Variants in GRID2 observed in about 807,000 individuals in gnomAD.
GRID2 encodes glutamate ionotropic receptor delta type subunit 2, also known as glutamate receptor ionotropic, delta-2.
GRID2 carries 33 observed loss-of-function variants against 114.8 expected under a neutral mutation model. The observed-to-expected ratio is 0.29, with a 90% CI of 0.22 to 0.38. The LOEUF (loss-of-function observed/expected upper bound fraction) is 0.38, where lower values mean the gene tolerates loss of function less well. GRID2 is among the 10% of genes least tolerant of loss of function. The pLI, the probability that GRID2 is intolerant of heterozygous loss-of-function variation, is 1.00. For synonymous variants in GRID2, 505 were observed against 449.9 expected (o/e 1.12, Z -1.55); for missense variants, 1,184 against 1,257.7 (o/e 0.94, Z 0.89).
chr4:93,769,353 T>C lies in GRID2; in HGVS notation c.2504T>C (p.Phe835Ser). 6.2e-7 allele frequency: 1 copy of C among 1,614,010 alleles called. No individual in the cohort carries two copies. Among genetic ancestry groups the C allele is most frequent in the Non-Finnish European group, 8.5e-7 (1 of 1,179,958 alleles). ...ALDIKSFAGV[F>S]CILAAGIVLS... ...GACATAAAGAGCTTTGCAGGGGTCT[T>C]TTGTATCCTGGCTGCTGGAATTGTC... The change falls in exon 15 of 16, where the codon TTT becomes TCT. Residue 835 changes from phenylalanine (F) to serine (S), a missense_variant. Coordinates refer to ENST00000282020, the MANE Select transcript of GRID2 (RefSeq NM_001510.4).
chr4:92,459,317 T>G (rs901629598), intron 1 of GRID2, among the ~76,000 whole-genome samples: 2 of 152,178 alleles, frequency 1.3e-5, no homozygotes, highest in African/African-American at 2.4e-5. Context: ...GTCCACATGA[T>G]ATATCCACTA....
chr4:93,372,291 C>T (rs926069947), intron 8 of GRID2, among the ~76,000 whole-genome samples: 5 of 152,044 alleles, frequency 3.3e-5, no homozygotes, highest in African/African-American at 1.2e-4. Context: ...CTTCAAGGAA[C>T]ATAACAATTT....
chr4:93,434,934 C>A (rs1423292893), intron 10 of GRID2, among the ~76,000 whole-genome samples: 2 of 152,060 alleles, frequency 1.3e-5, no homozygotes, highest in Non-Finnish European at 2.9e-5. Context: ...CTCCTATCTG[C>A]CTAAAATGAT....
chr4:92,572,792 T>A (rs1486754239), intron 1 of GRID2, among the ~76,000 whole-genome samples: 1 of 152,044 alleles, frequency 6.6e-6, no homozygotes, highest in Non-Finnish European at 1.5e-5. Context: ...TCTTTTTTTC[T>A]TGTATCTGTC....
chr4:92,643,206 A>G (rs997862883), intron 2 of GRID2, among the ~76,000 whole-genome samples: 2 of 151,756 alleles, frequency 1.3e-5, no homozygotes, highest in African/African-American at 4.8e-5. Flanking sequence ...GGCCATTTCA[A>G]TGATATTGAT....
chr4:92,951,629 A>C (rs576560917), intron 2 of GRID2, among the ~76,000 whole-genome samples: 256 of 152,164 alleles, frequency 1.7e-3, no homozygotes, highest in Admixed American at 2.8e-3. Context: ...TGCCCATCCA[A>C]ATTTTTACTT....
intron 14 of GRID2, among the ~76,000 whole-genome samples, chr4:93,663,132 G>A (rs1723642293): frequency 6.6e-6 from 1 of 152,144 alleles, no homozygotes; most frequent in Non-Finnish European, 1.5e-5. Context: ...TTTACCATCA[G>A]TGGTTCTCTC....
intron 2 of GRID2, among the ~76,000 whole-genome samples, chr4:92,688,095 G>A (rs1225050504): frequency 7.8e-6 from 1 of 127,866 alleles, no homozygotes; most frequent in African/African-American, 3.0e-5. Context: ...CGTTGCCCAG[G>A]CTGGAGCACA....
At chr4:92,687,611 T>C (rs1733974520) in intron 2 of GRID2, among the ~76,000 whole-genome samples, 1 of 151,954 alleles carries the variant, frequency 6.6e-6, no homozygotes, top group Non-Finnish European at 1.5e-5. Context: ...GGGCGGATCA[T>C]GAGGTGAGGA....
At chr4:93,687,095 G>A (rs1036220785) in intron 14 of GRID2, among the ~76,000 whole-genome samples, 1 of 152,002 alleles carries the variant, frequency 6.6e-6, no homozygotes, top group Non-Finnish European at 1.5e-5. Flanking sequence ...AGTGAGAAGT[G>A]TTCAGAGTCT....
chr4:92,369,582 GCATATCACTACCAA>G (rs2110215634), intron 1 of GRID2, among the ~76,000 whole-genome samples: 1 of 152,162 alleles, frequency 6.6e-6, no homozygotes, highest in Admixed American at 6.6e-5. Context: ...AAAAATCCTT[GCATATCACTACCAA>G]CACACTTCAG....
intron 1 of GRID2, among the ~76,000 whole-genome samples, chr4:92,323,493 T>C (rs1165023401): frequency 6.6e-6 from 1 of 152,098 alleles, no homozygotes; most frequent in Non-Finnish European, 1.5e-5. Context: ...AGTCCAGTTT[T>C]ACCTGAAGAA....
intron 2 of GRID2, among the ~76,000 whole-genome samples, chr4:93,022,821 A>G (rs149765372): frequency 9.9e-4 from 151 of 152,128 alleles, no homozygotes; most frequent in Non-Finnish European, 1.9e-3. Flanking sequence ...AACTTGATAT[A>G]ATAGTAAATG....
In GRID2 at chr4:93,231,734, C is replaced by T. The variant is rs543679880; in HGVS notation, c.1126-6637C>T. 5.9e-5 allele frequency among the ~76,000 whole-genome samples: 9 copies of T among 152,224 alleles called. No individual in the cohort carries two copies. The South Asian group carries it at 1.0e-3, about 18-fold the overall frequency. ...ATGAAGGGTTATCTACAGACTAGTA[C>T]GTTGGATGATCTAAACTGGTATTGT... On this transcript the variant is annotated intron_variant, in intron 7 of 15. Transcript: ENST00000282020.
At chr4:92,514,241 A>AT (rs1392299384) in intron 1 of GRID2, among the ~76,000 whole-genome samples, 1 of 151,924 alleles carries the variant, frequency 6.6e-6, no homozygotes, top group African/African-American at 2.4e-5. Flanking sequence ...TTCAACCCTT[A>AT]TGTATAACTG....
At chr4:92,703,375 A>G (rs747542990) in intron 2 of GRID2, among the ~76,000 whole-genome samples, 1 of 152,090 alleles carries the variant, frequency 6.6e-6, no homozygotes, top group African/African-American at 2.4e-5. Context: ...TTATTATTTA[A>G]AAATACTGAC....
chr4:93,419,188 A>G (rs183889096), intron 9 of GRID2, among the ~76,000 whole-genome samples: 188 of 147,524 alleles, frequency 1.3e-3, no homozygotes, highest in African/African-American at 4.6e-3. Context: ...GAGCACAGTG[A>G]TTGAGTACAT....
chr4:93,356,258 G>C (rs1458738481), intron 8 of GRID2, among the ~76,000 whole-genome samples: 2 of 152,012 alleles, frequency 1.3e-5, no homozygotes, highest in Non-Finnish European at 2.9e-5. Context: ...TTGTTATCAA[G>C]TATAGAATAC....
At chr4:93,759,768 G>T (rs986102140) in intron 14 of GRID2, among the ~76,000 whole-genome samples, 1 of 152,194 alleles carries the variant, frequency 6.6e-6, no homozygotes, top group Non-Finnish European at 1.5e-5. Context: ...GCTCTCTGGG[G>T]ACATAAAGAT....
Sources: allele counts gnomAD v4.1 joint callset (sites outside exome capture counted in the v4.1 genomes callset), GRCh38; gene constraint gnomAD v4.1.1; transcripts MANE v1.5; gene names NCBI Gene and HGNC (gene_info 2026-07-23, HGNC 2026-07-21).